Variants in PABPC4L observed in about 807,000 individuals in gnomAD.
The protein encoded by PABPC4L is polyadenylate-binding protein 4-like.
For synonymous variants in PABPC4L, 169 were observed against 164.1 expected (o/e 1.03, Z -0.23); for missense variants, 452 against 451.4 (o/e 1.00, Z -0.01).
At chr4:134,048,224 A>C in the PABPC4L span, among the ~76,000 whole-genome samples, 3 of 152,124 alleles carry the variant, frequency 2.0e-5, no homozygotes, top group Non-Finnish European at 4.4e-5. Context: ...TAAACTAATA[A>C]ATATACTTGA....
At chr4:134,065,116 T>C in the PABPC4L span, among the ~76,000 whole-genome samples, 2 of 152,078 alleles carry the variant, frequency 1.3e-5, no homozygotes, top group Non-Finnish European at 2.9e-5. Flanking sequence ...AGACCCAATG[T>C]GGGATTACTG....
At chr4:134,062,029 A>T in the PABPC4L span, among the ~76,000 whole-genome samples, 1 of 151,954 alleles carries the variant, frequency 6.6e-6, no homozygotes, top group East Asian at 1.9e-4. Context: ...ACAATATGAT[A>T]CTAATCTTAA....
At chr4:134,072,500 T>G in the PABPC4L span, among the ~76,000 whole-genome samples, 1 of 152,322 alleles carries the variant, frequency 6.6e-6, no homozygotes, top group Admixed American at 6.5e-5. Flanking sequence ...ATTGTAGGTG[T>G]GTTTTCTCTA....
the PABPC4L span, among the ~76,000 whole-genome samples, chr4:134,120,843 T>C: frequency 1.1e-4 from 17 of 151,512 alleles, no homozygotes; most frequent in South Asian, 2.1e-4. Flanking sequence ...TTTATTCTTT[T>C]TGGCATCGGT....
chr4:134,199,877 A>G lies in PABPC4L; in HGVS notation c.*30T>C. 2 of 1,546,540 alleles carry G rather than the reference A, an allele frequency of 1.3e-6. No individual in the cohort carries two copies. Among genetic ancestry groups the G allele is most frequent in the Non-Finnish European group, 1.7e-6 (2 of 1,145,690 alleles). On this transcript the variant is annotated 3_prime_UTR_variant, in exon 2 of 2. Coordinates refer to ENST00000421491, the MANE Select transcript of PABPC4L (RefSeq NM_001114734.2). ...ACTATCATTCTCCCACCTGCTGCAG[A>G]TACTAGCTGGAAAGGTACGTTTTTC...
At chr4:133,972,507 G>T in the PABPC4L span, among the ~76,000 whole-genome samples, 1 of 152,040 alleles carries the variant, frequency 6.6e-6, no homozygotes, top group Non-Finnish European at 1.5e-5. Context: ...ATCTCTGGGA[G>T]TTCCTTTGGG....
the PABPC4L span, among the ~76,000 whole-genome samples, chr4:134,106,541 G>A: frequency 6.6e-6 from 1 of 151,350 alleles, no homozygotes; most frequent in African/African-American, 2.4e-5. Flanking sequence ...TTTGCTTCAT[G>A]GAATTTAACA....
the PABPC4L span, among the ~76,000 whole-genome samples, chr4:134,071,830 A>G: frequency 1.2e-4 from 19 of 152,326 alleles, no homozygotes; most frequent in African/African-American, 4.6e-4. Flanking sequence ...GATCCCTGTT[A>G]AGAATAATGA....
At chr4:134,102,373 C>T in the PABPC4L span, among the ~76,000 whole-genome samples, 1 of 150,974 alleles carries the variant, frequency 6.6e-6, no homozygotes, top group African/African-American at 2.4e-5. Flanking sequence ...AAATTTTTAC[C>T]TTGTCTGACT....
At chr4:134,141,783 A>G in the PABPC4L span, among the ~76,000 whole-genome samples, 10 of 151,688 alleles carry the variant, frequency 6.6e-5, no homozygotes, top group Admixed American at 1.3e-4. Flanking sequence ...CCTTTAAATC[A>G]CATAGAGGCC....
At chr4:133,961,561 A>T in the PABPC4L span, among the ~76,000 whole-genome samples, 85 of 152,320 alleles carry the variant, frequency 5.6e-4, no homozygotes, top group Non-Finnish European at 9.6e-4. Context: ...GACAATGGTC[A>T]GGATATAAAC....
At chr4:134,142,826 T>C in the PABPC4L span, among the ~76,000 whole-genome samples, 2 of 151,700 alleles carry the variant, frequency 1.3e-5, no homozygotes, top group South Asian at 4.1e-4. Context: ...AAAAATTTAA[T>C]AATGAAAAGA....
chr4:133,988,827 C>T, the PABPC4L span, among the ~76,000 whole-genome samples: 1,030 of 152,286 alleles, frequency 6.8e-3, 13 homozygotes, highest in African/African-American at 0.023. Context: ...CATGAGGGCT[C>T]TGCCCCTGCA....
At chr4:134,051,538 C>A in the PABPC4L span, among the ~76,000 whole-genome samples, 1 of 152,052 alleles carries the variant, frequency 6.6e-6, no homozygotes, top group Non-Finnish European at 1.5e-5. Context: ...CGGATGTAGT[C>A]AAAACACATT....
chr4:134,074,090 T>A, the PABPC4L span, among the ~76,000 whole-genome samples: 2 of 152,236 alleles, frequency 1.3e-5, no homozygotes, highest in Non-Finnish European at 2.9e-5. Flanking sequence ...CTTGAATTTC[T>A]TTCCAGAAAA....
the PABPC4L span, among the ~76,000 whole-genome samples, chr4:134,137,318 T>C: frequency 1.3e-5 from 2 of 151,944 alleles, no homozygotes; most frequent in Non-Finnish European, 2.9e-5. Flanking sequence ...CTCAATTCTA[T>C]ATTACCAAGG....
At chr4:134,055,907 GAAGAC>G in the PABPC4L span, among the ~76,000 whole-genome samples, 1 of 151,888 alleles carries the variant, frequency 6.6e-6, no homozygotes, top group African/African-American at 2.4e-5. Context: ...CCTAGATTAT[GAAGAC>G]TTTTGTATGT....
At chr4:134,022,663 A>C in the PABPC4L span, among the ~76,000 whole-genome samples, 1 of 151,524 alleles carries the variant, frequency 6.6e-6, no homozygotes, top group African/African-American at 2.4e-5. Context: ...CTTAGGGTTT[A>C]TTACTTTTGG....
chr4:133,999,206 T>C, the PABPC4L span, among the ~76,000 whole-genome samples: 13 of 152,108 alleles, frequency 8.5e-5, no homozygotes, highest in Non-Finnish European at 1.5e-4. Context: ...AAAGTTCCTA[T>C]GCTGTGTAAA....
Sources: allele counts gnomAD v4.1 joint callset (sites outside exome capture counted in the v4.1 genomes callset), GRCh38; gene constraint gnomAD v4.1.1; transcripts MANE v1.5; gene names NCBI Gene and HGNC (gene_info 2026-07-23, HGNC 2026-07-21).